The following ZNF493 variants were observed in gnomAD, a reference collection of about 807,000 sequenced individuals.
The protein encoded by ZNF493 is zinc finger protein 493.
In ZNF493, 11 loss-of-function variants were observed where a neutral mutation model predicts 12.2. The observed-to-expected ratio is 0.90, with a 90% CI of 0.57 to 1.50. ZNF493 has a LOEUF of 1.50. ZNF493 is among the 40% of genes most tolerant of loss of function. The pLI is 0.00. For missense variants in ZNF493, 950 were observed against 906.6 expected (o/e 1.05, Z -0.61); for synonymous variants, 286 against 302.6 (o/e 0.95, Z 0.57).
intron 1 of ZNF493, among the ~76,000 whole-genome samples, chr19:21,401,992 G>A (rs1272827034): frequency 7.3e-6 from 1 of 136,758 alleles, no homozygotes; most frequent in Admixed American, 7.3e-5. Flanking sequence ...TTTTGAGATG[G>A]AGTCTCGCTC....
At chr19:21,421,032 G>A (rs1269285466) in intron 3 of ZNF493, among the ~76,000 whole-genome samples, 4 of 152,058 alleles carry the variant, frequency 2.6e-5, no homozygotes, top group Non-Finnish European at 4.4e-5. Flanking sequence ...ACAGGCATGA[G>A]CTGCTGCACC....
intron 3 of ZNF493, among the ~76,000 whole-genome samples, chr19:21,418,164 A>G (rs1432998828): frequency 6.6e-6 from 1 of 152,166 alleles, no homozygotes; most frequent in Admixed American, 6.5e-5. Flanking sequence ...TGGAAAAGAA[A>G]GATCTGGAGG....
intron 3 of ZNF493, 136 bp downstream of exon 3, chr19:21,405,992 A>G: frequency 1.8e-6 from 1 of 547,546 alleles, no homozygotes; most frequent in East Asian, 3.4e-5. Context: ...AGGCCAAGGC[A>G]GGTGGATCAC....
At chr19:21,413,801 T>A (rs1425451112) in intron 3 of ZNF493, 4 of 226,058 alleles carry the variant, frequency 1.8e-5, no homozygotes, top group Non-Finnish European at 2.6e-5. Flanking sequence ...TGCAGCTGGT[T>A]TCTGTACATG....
chr19:21,404,301 A>G (rs545363770), intron 1 of ZNF493, among the ~76,000 whole-genome samples: 40 of 152,370 alleles, frequency 2.6e-4, no homozygotes, highest in African/African-American at 8.2e-4. Flanking sequence ...TTGAGGGGCA[A>G]TATCTCAGCA....
At chr19:21,405,366 C>A (rs867275594) in intron 2 of ZNF493, 111 bp downstream of exon 2, 1 of 1,501,396 alleles carries the variant, frequency 6.7e-7, no homozygotes, top group Non-Finnish European at 8.9e-7. Context: ...GTTTCTGGTG[C>A]CTGTTTTAAA....
At chr19:21,408,012 TAGTGG>T in intron 3 of ZNF493, 1 of 985,228 alleles carries the variant, frequency 1.0e-6, no homozygotes, top group Non-Finnish European at 1.2e-6. Context: ...TCTGGGTTTG[TAGTGG>T]AGTGGGGTTG....
At chr19:21,410,139 C>T (rs1160530727) in intron 3 of ZNF493, among the ~76,000 whole-genome samples, 8 of 149,136 alleles carry the variant, frequency 5.4e-5, no homozygotes, top group Admixed American at 4.7e-4. Flanking sequence ...TGAGTTGTTT[C>T]AGCCCTTTGG....
chr19:21,419,268 T>C (rs573185113), intron 3 of ZNF493, among the ~76,000 whole-genome samples: 3 of 152,190 alleles, frequency 2.0e-5, no homozygotes, highest in Non-Finnish European at 4.4e-5. Flanking sequence ...TGGTGTTGGA[T>C]AATTGATTGG....
chr19:21,421,566 T>C (rs943425080), intron 3 of ZNF493, among the ~76,000 whole-genome samples: 2 of 152,066 alleles, frequency 1.3e-5, no homozygotes, highest in Non-Finnish European at 2.9e-5. Context: ...GGTTTCTCCA[T>C]GTTGATCAGG....
At chr19:21,404,031 G>A (rs1282237290) in intron 1 of ZNF493, among the ~76,000 whole-genome samples, 1 of 152,144 alleles carries the variant, frequency 6.6e-6, no homozygotes, top group East Asian at 1.9e-4. Context: ...TAAATAACAT[G>A]TAATGTTGTG....
At chr19:21,418,427 ATTGCT>A (rs2030557701) in intron 3 of ZNF493, among the ~76,000 whole-genome samples, 2 of 152,078 alleles carry the variant, frequency 1.3e-5, no homozygotes, top group Non-Finnish European at 2.9e-5. Context: ...CATCATGGGG[ATTGCT>A]TTAAGAGTAC....
intron 3 of ZNF493, chr19:21,413,757 C>A: frequency 1.0e-5 from 3 of 299,910 alleles, no homozygotes; most frequent in Non-Finnish European, 1.8e-5. Flanking sequence ...GTTATTGGAT[C>A]TCTCCACCAA....
At chr19:21,415,707 T>G (rs973102179) in intron 3 of ZNF493, among the ~76,000 whole-genome samples, 3 of 152,186 alleles carry the variant, frequency 2.0e-5, no homozygotes, top group African/African-American at 4.8e-5. Context: ...TGTTGGACTG[T>G]TTAACATGCC....
chr19:21,418,134 A>G (rs2030549812), intron 3 of ZNF493, among the ~76,000 whole-genome samples: 1 of 152,096 alleles, frequency 6.6e-6, no homozygotes, highest in Non-Finnish European at 1.5e-5. Flanking sequence ...TGGGGCAACT[A>G]CTTTTCACCC....
rs904820149 is a variant in ZNF493 at position 21,424,741 on chromosome 19, C to G, written c.2082C>G (p.Phe694Leu). ...PYKCEKCGKT[F>L]YRFSNLNTHK... ...AATGTGAAAAATGTGGCAAAACTTT[C>G]TACCGATTCTCAAACCTTAATACGC... The change falls in exon 4 of 4, where the codon TTC becomes TTG. Residue 694 changes from phenylalanine to leucine, a missense_variant. Phe to Leu is a conservative substitution (Grantham distance 22). Transcript: ENST00000392288. 3.1e-6 allele frequency: 5 copies of G among 1,611,242 alleles called. No individual in the cohort carries two copies. In the African/African-American group the frequency reaches 6.7e-5, roughly 22 times the overall value.
At chr19:21,420,594 TA>T (rs1193468768) in intron 3 of ZNF493, among the ~76,000 whole-genome samples, 1 of 8,284 alleles carries the variant, frequency 1.2e-4, no homozygotes, top group Non-Finnish European at 2.5e-4. Context: ...CACTTGATTA[TA>T]TATATATATA....
rs751099720 is a variant in ZNF493, at chr19:21,425,017, C to G, written c.*33C>G. On this transcript the variant is annotated 3_prime_UTR_variant, in exon 4 of 4. Transcript: ENST00000392288. ...GGCAAAGGCCTTTACTGCTCCTATT[C>G]CCTTACTAAAGAATGTGGCAAAGCT... The G allele has an allele frequency of 6.4e-7, 1 of 1,565,912 alleles. No individual in the cohort carries two copies. Among genetic ancestry groups the G allele is most frequent in the South Asian group, 1.2e-5 (1 of 82,734 alleles).
chr19:21,405,969 C>T, intron 3 of ZNF493, 113 bp downstream of exon 3: 2 of 776,488 alleles, frequency 2.6e-6, no homozygotes, highest in Non-Finnish European at 3.8e-6. Context: ...GCCTGTAGTC[C>T]CAGGACTTTG....
Sources: allele counts gnomAD v4.1 joint callset (sites outside exome capture counted in the v4.1 genomes callset), GRCh38; gene constraint gnomAD v4.1.1; transcripts MANE v1.5; gene names NCBI Gene and HGNC (gene_info 2026-07-23, HGNC 2026-07-21).